Variants in ADAMTS18 observed in about 807,000 individuals in gnomAD.
ADAMTS18 encodes ADAM metallopeptidase with thrombospondin type 1 motif 18.
Under a neutral mutation model 165.9 loss-of-function variants are expected in ADAMTS18, and 157 were observed. The observed-to-expected ratio is 0.95, with a 90% confidence interval of 0.83 to 1.08. The LOEUF (loss-of-function observed/expected upper bound fraction) is 1.08, where lower values mean the gene tolerates loss of function less well. Among genes scored for constraint, ADAMTS18 ranks in the 50% least tolerant of loss-of-function variants. The pLI, the probability that ADAMTS18 is intolerant of heterozygous loss-of-function variation, is 0.00. For synonymous variants in ADAMTS18, 782 were observed against 578.2 expected (o/e 1.35, Z -5.06); for missense variants, 2,040 against 1,534.0 (o/e 1.33, Z -5.51).
chr16:77,288,454 GAAAGATATTTCCTGGCATT>G (rs1247283514), intron 22 of ADAMTS18, among the ~76,000 whole-genome samples: 1 of 151,994 alleles, frequency 6.6e-6, no homozygotes, highest in East Asian at 1.9e-4. Flanking sequence ...AGATTAGGCT[GAAAGATATTTCCTGGCATT>G]TGTCAGATTA....
chr16:77,426,231 C>G (rs113658346), intron 3 of ADAMTS18, among the ~76,000 whole-genome samples: 6 of 152,200 alleles, frequency 3.9e-5, no homozygotes, highest in African/African-American at 1.2e-4. Context: ...ACCACTTATT[C>G]CTGGAGCATC....
chr16:77,283,786 G>C lies in ADAMTS18; in HGVS notation c.*170C>G, dbSNP rs1008654632. On this transcript the variant is annotated 3_prime_UTR_variant, in exon 23 of 23. Transcript: ENST00000282849. ...AGAGTACCACGTGCTTCAGGGAATT[G>C]AGCTAGAAGCCTACTGGCAACCTGT... is the stretch of plus-strand genomic sequence containing the variant. The C allele has an allele frequency of 1.6e-6, 1 of 615,432 alleles. No individual in the cohort carries two copies. The highest frequency in any genetic ancestry group is 2.8e-5 in the East Asian group (1 of 35,372). The allele number at this position is 615,432 out of a possible 1,614,324, so 38.1% of individuals were successfully genotyped here. A position where few individuals can be genotyped will look rare whatever the true frequency, so the allele number is the denominator to read the frequency against.
chr16:77,371,320 G>C (rs2056873131), intron 3 of ADAMTS18, among the ~76,000 whole-genome samples: 1 of 152,042 alleles, frequency 6.6e-6, no homozygotes, highest in Admixed American at 6.6e-5. Context: ...ACCCTGAAGA[G>C]CAAATGCAAT....
At chr16:77,316,100 C>T (rs149623702) in intron 16 of ADAMTS18, among the ~76,000 whole-genome samples, 7 of 152,184 alleles carry the variant, frequency 4.6e-5, no homozygotes, top group Non-Finnish European at 8.8e-5. Context: ...CAGTTCTCTA[C>T]CATAATACAC....
Position 77,434,839 on chromosome 16 carries a change from G to A in ADAMTS18, c.-144C>T, listed in dbSNP as rs566187776. 1 of 619,558 alleles carries A rather than the reference G, an allele frequency of 1.6e-6. No homozygotes were observed. The highest frequency in any genetic ancestry group is 2.4e-6 in the Non-Finnish European group (1 of 424,090). The allele number at this position is 619,558 out of a possible 1,614,324, so 38.4% of individuals were successfully genotyped here. On this transcript the variant is annotated 5_prime_UTR_variant, in exon 1 of 23. Transcript: ENST00000282849. Reference sequence around the variant, plus strand: ...GCCGCCGCCGTTCACATCGCAGCGGGGGCGCGCTGGGACCTCCCCTCCTCC... The same window carrying A: ...GCCGCCGCCGTTCACATCGCAGCGGAGGCGCGCTGGGACCTCCCCTCCTCC...
chr16:77,431,544 G>C lies in ADAMTS18; in HGVS notation c.246C>G (p.His82Gln), dbSNP rs1413359194. Residue 82 changes from histidine (H) to glutamine (Q), a missense_variant, in exon 3 of 23, where the codon CAC becomes CAG. By Grantham distance (24) the His-to-Gln change is conservative. Transcript: ENST00000282849. The stretch of plus-strand genomic sequence containing the variant: ...GCGCCGATCGCTTTTTCCTGCCGTT[G>C]TGCAAAATGTCGTGTGAAATATATG... ...AGSYISHDIL[H>Q]NGRKKRSAQN... is the part of the protein sequence containing the mutation. The C allele has an allele frequency of 6.2e-7, 1 of 1,614,166 alleles. No homozygotes were observed. The highest frequency in any genetic ancestry group is 2.2e-5 in the East Asian group (1 of 44,878).
chr16:77,336,832 G>A (rs372501307), intron 11 of ADAMTS18, among the ~76,000 whole-genome samples: 3 of 152,234 alleles, frequency 2.0e-5, no homozygotes, highest in East Asian at 3.9e-4. Context: ...GCAGTGCTTT[G>A]ATTATGAGAA....
At chr16:77,352,941 C>G (rs2056576671) in intron 10 of ADAMTS18, among the ~76,000 whole-genome samples, 2 of 151,870 alleles carry the variant, frequency 1.3e-5, no homozygotes, top group Non-Finnish European at 2.9e-5. Context: ...CTGAAAAAAA[C>G]ACAAAAAATT....
intron 12 of ADAMTS18, among the ~76,000 whole-genome samples, chr16:77,334,389 A>G (rs2056252965): frequency 8.9e-6 from 1 of 112,462 alleles, no homozygotes; most frequent in Non-Finnish European, 1.6e-5. Context: ...TATATATTAT[A>G]TATATACTGT....
chr16:77,359,201 G>A (rs910717902), intron 8 of ADAMTS18, 117 bp downstream of exon 8: 6 of 911,408 alleles, frequency 6.6e-6, no homozygotes, highest in Non-Finnish European at 7.0e-6. Flanking sequence ...ACTATTCTAA[G>A]CTTTACACAA....
intron 3 of ADAMTS18, among the ~76,000 whole-genome samples, chr16:77,387,638 C>T (rs1442948965): frequency 3.3e-5 from 5 of 152,254 alleles, no homozygotes; most frequent in African/African-American, 4.8e-5. Flanking sequence ...TTACAAGCTG[C>T]GTATCAGTGG....
chr16:77,403,736 C>A (rs12925015), intron 3 of ADAMTS18, among the ~76,000 whole-genome samples: 1 of 152,124 alleles, frequency 6.6e-6, no homozygotes, highest in Non-Finnish European at 1.5e-5. Context: ...TCATATACAT[C>A]AGAGATGCTG....
chr16:77,332,272 C>A (rs1365802456), intron 12 of ADAMTS18, among the ~76,000 whole-genome samples: 2 of 152,162 alleles, frequency 1.3e-5, no homozygotes, highest in Admixed American at 1.3e-4. Context: ...CCATCACATT[C>A]TTCTCACTCC....
chr16:77,359,192 C>G (rs543142071), intron 8 of ADAMTS18, 126 bp downstream of exon 8: 4 of 862,344 alleles, frequency 4.6e-6, no homozygotes, highest in African/African-American at 1.7e-5. Flanking sequence ...TAGTCAGAAA[C>G]TATTCTAAGC....
chr16:77,430,087 T>C (rs2144865430), intron 3 of ADAMTS18, among the ~76,000 whole-genome samples: 1 of 152,120 alleles, frequency 6.6e-6, no homozygotes, highest in East Asian at 1.9e-4. Flanking sequence ...GACACCGGAA[T>C]AGACAGAAGA....
intron 3 of ADAMTS18, among the ~76,000 whole-genome samples, chr16:77,403,881 T>C (rs939553599): frequency 2.6e-5 from 4 of 152,078 alleles, no homozygotes; most frequent in South Asian, 4.2e-4. Context: ...ACAAAGGGAC[T>C]TGAGTGAATC....
At position 77,314,649 on chromosome 16, in the gene ADAMTS18, G is replaced by GTGTGTATATA. The variant is rs10527824; in HGVS notation, c.2532+5199_2532+5200insTATATACACA. Among the ~76,000 whole-genome samples, 849 of 126,472 alleles carry GTGTGTATATA rather than the reference G, an allele frequency of 6.7e-3. 21 individuals are homozygous for GTGTGTATATA. Among genetic ancestry groups the GTGTGTATATA allele is most frequent in the African/African-American group, 0.025 (810 of 32,100 alleles). The allele number at this position is 126,472 out of a possible 152,430, so 83.0% of individuals were successfully genotyped here. A position where few individuals can be genotyped will look rare whatever the true frequency, so the allele number is the denominator to read the frequency against. On this transcript the variant is annotated intron_variant, in intron 16 of 22. Coordinates refer to ENST00000282849, the MANE Select transcript of ADAMTS18 (RefSeq NM_199355.4). ...AATGTGTGTGTATGTGTGTGTGTGT[G>GTGTGTATATA]TATATATATATATGTACATATATAC...
chr16:77,322,350 C>G lies in ADAMTS18; in HGVS notation c.2149G>C (p.Asp717His), dbSNP rs772421984. 2.1e-5 allele frequency: 34 copies of G among 1,613,750 alleles called. No individual in the cohort carries two copies. Among genetic ancestry groups the G allele is most frequent in the Non-Finnish European group, 1.2e-5 (14 of 1,179,920 alleles). The change falls in exon 14 of 23, where the codon GAC becomes CAC. Residue 717 changes from aspartate to histidine, a missense_variant. Physicochemically the swap from Asp to His is moderately conservative, Grantham distance 81. Coordinates refer to ENST00000282849, the MANE Select transcript of ADAMTS18 (RefSeq NM_199355.4). ...CSPNKNDVCI[D>H]GVCELVGCDH... Reference sequence around the variant, plus strand: ...CGTTCTCTTACTTCACAAACCCCGTCAATACAAACATCATTTTTGTTTGGG... The same window carrying G: ...CGTTCTCTTACTTCACAAACCCCGTGAATACAAACATCATTTTTGTTTGGG...
intron 3 of ADAMTS18, among the ~76,000 whole-genome samples, chr16:77,398,343 C>T (rs1055892263): frequency 2.0e-5 from 3 of 151,558 alleles, no homozygotes; most frequent in Non-Finnish European, 4.4e-5. Context: ...ACAACAACAA[C>T]AACAAAAATA....
Sources: gnomAD v4.1 joint callset for allele counts (sites outside exome capture counted in the v4.1 genomes callset) on GRCh38, gnomAD v4.1.1 for gene constraint, MANE v1.5 for transcripts, NCBI Gene and HGNC (gene_info 2026-07-23, HGNC 2026-07-21) for gene names.